The following PRCP variants were observed in gnomAD, a reference collection of about 807,000 sequenced individuals.
The protein encoded by PRCP is prolylcarboxypeptidase, also known as lysosomal Pro-X carboxypeptidase.
A neutral mutation model predicts 54.2 loss-of-function variants in PRCP; 46 were observed. That is an observed-to-expected ratio of 0.85 (90% CI 0.67 to 1.09). The LOEUF (loss-of-function observed/expected upper bound fraction) is 1.09. Ranked by LOEUF, PRCP falls within the 50% of genes least tolerant of loss-of-function variation. The probability of loss-of-function intolerance (pLI) is 0.00; values close to 1 mark genes in which losing one functional copy is unlikely to be tolerated. For missense variants in PRCP, 613 were observed against 596.8 expected, an observed-to-expected ratio of 1.03 and a Z score of -0.28; for synonymous variants, 240 against 212.2, an observed-to-expected ratio of 1.13 and a Z score of -1.14.
intron 1 of PRCP, among the ~76,000 whole-genome samples, chr11:82,891,670 G>T (rs1460888893): frequency 6.6e-6 from 1 of 151,998 alleles, no homozygotes; most frequent in Non-Finnish European, 1.5e-5. Context: ...CCTACCTCAG[G>T]GTTTTTGCAC....
At chr11:82,860,333 G>C (rs7118752) in intron 1 of PRCP, among the ~76,000 whole-genome samples, 3 of 151,532 alleles carry the variant, frequency 2.0e-5, no homozygotes, top group Non-Finnish European at 4.4e-5. Flanking sequence ...TGCTATTGGT[G>C]ATCAAGATTT....
At chr11:82,889,283 G>A (rs1408844735) in intron 1 of PRCP, among the ~76,000 whole-genome samples, 2 of 151,968 alleles carry the variant, frequency 1.3e-5, no homozygotes, top group African/African-American at 2.4e-5. Flanking sequence ...ACCTGAGCCC[G>A]GGAGTTTGAG....
At chr11:82,882,375 G>A (rs533885618) in intron 1 of PRCP, among the ~76,000 whole-genome samples, 1 of 152,146 alleles carries the variant, frequency 6.6e-6, no homozygotes, top group African/African-American at 2.4e-5. Context: ...AGTTAAACCT[G>A]TTTTGGACAC....
intron 1 of PRCP, among the ~76,000 whole-genome samples, chr11:82,875,020 A>G (rs1016385046): frequency 9.4e-5 from 14 of 148,774 alleles, no homozygotes; most frequent in East Asian, 3.9e-4. Context: ...AAACTGTAAA[A>G]CTGTAAAAAA....
At chr11:82,862,611 C>T (rs1859233339) in intron 1 of PRCP, among the ~76,000 whole-genome samples, 1 of 152,198 alleles carries the variant, frequency 6.6e-6, no homozygotes, top group African/African-American at 2.4e-5. Flanking sequence ...CCATTCATAC[C>T]ACTGGTCCCA....
chr11:82,834,058 T>C (rs1197804111), intron 8 of PRCP, among the ~76,000 whole-genome samples: 2 of 152,180 alleles, frequency 1.3e-5, no homozygotes, highest in Admixed American at 6.5e-5. Flanking sequence ...GTAAAAGGAC[T>C]GGAGGAAACG....
Position 82,860,007 on chromosome 11 carries a change from T to A in PRCP, c.279A>T (p.Glu93Asp), listed in dbSNP as rs199824889. 1 of 1,590,302 alleles carries A rather than the reference T, an allele frequency of 6.3e-7. No homozygotes were observed. Among genetic ancestry groups the A allele is most frequent in the East Asian group, 2.3e-5 (1 of 43,044 alleles). ...TATTACAAAACCAGATAATGTCCCC[T>A]TCATTACCAGTGTAGAAAAGTATTG... ...GGSILFYTGN[E>D]GDIIWFCNNT... The change falls in exon 2 of 9, where the codon GAA (glutamate) becomes GAT (aspartate). Residue 93 changes from glutamate to aspartate, a missense_variant. Coordinates refer to ENST00000313010, the MANE Select transcript of PRCP (RefSeq NM_005040.4).
intron 1 of PRCP, among the ~76,000 whole-genome samples, chr11:82,862,669 C>G (rs959824921): frequency 6.6e-6 from 1 of 152,212 alleles, no homozygotes; most frequent in African/African-American, 2.4e-5. Context: ...TTCCTGGTAT[C>G]TATGATCATC....
intron 3 of PRCP, among the ~76,000 whole-genome samples, chr11:82,852,922 G>A (rs1858990774): frequency 6.6e-6 from 1 of 152,004 alleles, no homozygotes; most frequent in African/African-American, 2.4e-5. Context: ...TGCTGTCTCT[G>A]CAGCCACAGA....
chr11:82,849,073 C>T lies in PRCP; in HGVS notation c.897G>A (p.Gln299=). 9 of 1,613,810 alleles carry T rather than the reference C, an allele frequency of 5.6e-6. No homozygotes were observed. The highest frequency in any genetic ancestry group is 7.6e-6 in the Non-Finnish European group (9 of 1,179,878). ...CCTTGATAGGCCAAGCAGGCAAAGG[C>T]TGTAAAAAGTTAGAGGCATAAGGAT... ...VDYPYASNFL[Q]PLPAWPIKVV... The change falls in exon 6 of 9, where the codon CAG becomes CAA. Residue 299 remains glutamine (Q), a synonymous_variant. Transcript: ENST00000313010.
chr11:82,842,768 C>T (rs1189590584), intron 6 of PRCP, among the ~76,000 whole-genome samples: 1 of 151,986 alleles, frequency 6.6e-6, no homozygotes, highest in African/African-American at 2.4e-5. Flanking sequence ...AAAAATGTCA[C>T]TTAAAATTTT....
At chr11:82,879,547 A>G (rs946708493) in intron 1 of PRCP, among the ~76,000 whole-genome samples, 6 of 152,184 alleles carry the variant, frequency 3.9e-5, no homozygotes, top group South Asian at 2.1e-4. Flanking sequence ...CATCAAAATC[A>G]TTCTCCATCC....
intron 1 of PRCP, chr11:82,884,689 T>G (rs531245445): frequency 3.3e-5 from 41 of 1,260,536 alleles, no homozygotes; most frequent in East Asian, 2.6e-4. Context: ...AATGTTCTGA[T>G]GTAGTGGAAA....
chr11:82,837,919 C>A (rs1858564670), intron 8 of PRCP, among the ~76,000 whole-genome samples: 1 of 152,158 alleles, frequency 6.6e-6, no homozygotes. Context: ...CCTTCAGTTT[C>A]CTTCACAGTA....
intron 3 of PRCP, among the ~76,000 whole-genome samples, chr11:82,851,027 A>T (rs1265619119): frequency 6.6e-6 from 1 of 152,186 alleles, no homozygotes; most frequent in South Asian, 2.1e-4. Flanking sequence ...AAGAAAAAAA[A>T]ACTATTTTCA....
Position 82,833,223 on chromosome 11 carries a change from G to A in PRCP, c.1274+5164C>T, listed in dbSNP as rs369691938. Among the ~76,000 whole-genome samples, 174 of 152,284 alleles carry A rather than the reference G, an allele frequency of 1.1e-3. 1 individual carries two copies. Among genetic ancestry groups the A allele is most frequent in the African/African-American group, 4.0e-3 (166 of 41,558 alleles). On this transcript the variant is annotated intron_variant, in intron 8 of 8. Coordinates refer to ENST00000313010, the MANE Select transcript of PRCP (RefSeq NM_005040.4). ...CAGTGATAAATTCACAATCTCATGG[G>A]GCAGATAGAAACGCAAACAGGTAAC...
chr11:82,840,711 C>G (rs952581888), intron 6 of PRCP: 2 of 151,926 alleles, frequency 1.3e-5, no homozygotes, highest in African/African-American at 4.8e-5. Context: ...AATTATTAAG[C>G]CTTGGGTTTC....
At chr11:82,878,603 T>C (rs1048505952) in intron 1 of PRCP, among the ~76,000 whole-genome samples, 1 of 152,206 alleles carries the variant, frequency 6.6e-6, no homozygotes, top group Non-Finnish European at 1.5e-5. Context: ...GCTGGTTATT[T>C]TGCTCATTAG....
intron 1 of PRCP, among the ~76,000 whole-genome samples, chr11:82,863,872 G>C (rs1334446476): frequency 7.2e-5 from 11 of 152,260 alleles, no homozygotes; most frequent in African/African-American, 2.6e-4. Flanking sequence ...AAAGAGAGAG[G>C]AACCCTGGCA....
Sources: allele counts gnomAD v4.1 joint callset (sites outside exome capture counted in the v4.1 genomes callset), GRCh38; gene constraint gnomAD v4.1.1; transcripts MANE v1.5; gene names NCBI Gene and HGNC (gene_info 2026-07-23, HGNC 2026-07-21).